The following GPR39 variants were observed in gnomAD, a reference collection of about 807,000 sequenced individuals.
The protein encoded by GPR39 is zinc sensing receptor.
In GPR39, 23 loss-of-function variants were observed where a neutral mutation model predicts 18.4. The observed-to-expected ratio is 1.25, with a 90% CI of 0.90 to 1.77. GPR39 has a LOEUF of 1.77. Ranked by LOEUF, GPR39 falls within the 40% of genes most tolerant of loss-of-function variation. The probability of loss-of-function intolerance (pLI) is 0.00; values close to 1 mark genes in which losing one functional copy is unlikely to be tolerated. For synonymous variants in GPR39, 280 were observed against 257.9 expected (o/e 1.09, Z -0.82); for missense variants, 647 against 602.4 (o/e 1.07, Z -0.78).
chr2:132,581,365 C>T (rs972837644), intron 1 of GPR39, among the ~76,000 whole-genome samples: 4 of 146,960 alleles, frequency 2.7e-5, no homozygotes, highest in East Asian at 4.0e-4. Flanking sequence ...AGAGAATGAT[C>T]TTGGTTAAAT....
chr2:132,556,738 C>T (rs1412825133), intron 1 of GPR39, among the ~76,000 whole-genome samples: 3 of 152,170 alleles, frequency 2.0e-5, no homozygotes, highest in Non-Finnish European at 4.4e-5. Context: ...AATCTACCCC[C>T]ACTTGGACAA....
chr2:132,465,091 C>T (rs113983686), intron 1 of GPR39, among the ~76,000 whole-genome samples: 6,214 of 152,136 alleles, frequency 0.041, 379 homozygotes, highest in African/African-American at 0.14. Context: ...TAATTAGTAG[C>T]AAACAGGTGG....
In GPR39 at chr2:132,645,913, C is replaced by CA. The variant is rs1277160094; in HGVS notation, c.*311dup. On this transcript the variant is annotated 3_prime_UTR_variant, in exon 2 of 2. Transcript: ENST00000329321. ...AGCTCTTTCATTATTTGCACAGGAA[C>CA]AAAAGAGAACACGGACTCCCGCTCC... 32 of 707,702 alleles carry CA rather than the reference C, an allele frequency of 4.5e-5. No individual in the cohort carries two copies. In the Admixed American group the frequency reaches 8.4e-4, roughly 18 times the overall value. The allele number at this position is 707,702 out of a possible 1,614,324, so 43.8% of individuals were successfully genotyped here.
intron 1 of GPR39, chr2:132,488,693 C>G (rs1055689154): frequency 4.6e-5 from 7 of 152,466 alleles, no homozygotes; most frequent in African/African-American, 1.7e-4. Flanking sequence ...GTCTGCTGAC[C>G]CTGGGTTCAT....
chr2:132,530,174 C>T (rs1679588935), intron 1 of GPR39, among the ~76,000 whole-genome samples: 1 of 152,080 alleles, frequency 6.6e-6, no homozygotes, highest in African/African-American at 2.4e-5. Flanking sequence ...CCTGATGGAG[C>T]TGAAAACCAT....
chr2:132,645,178 C>G lies in GPR39; in HGVS notation c.934C>G (p.His312Asp), dbSNP rs772128534. 16 of 1,614,084 alleles carry G rather than the reference C, an allele frequency of 9.9e-6. No individual in the cohort carries two copies. Among genetic ancestry groups the G allele is most frequent in the African/African-American group, 2.7e-5 (2 of 74,920 alleles). ...GATCATGGCTGCGGCCAAACCCAAG[C>G]ACGACTGGACGAGGTCCTACTTCCG... ...RRIMAAAKPK[H>D]DWTRSYFRAY... Residue 312 changes from histidine (H) to aspartate (D), a missense_variant, in exon 2 of 2, where the codon CAC becomes GAC. Physicochemically the swap from His to Asp is moderately conservative, Grantham distance 81. This residue lies in a region of GPR39 where 581 missense variants were observed against 506.8 expected (regional missense o/e 1.15). Transcript: ENST00000329321.
intron 1 of GPR39, among the ~76,000 whole-genome samples, chr2:132,456,550 A>T (rs1028129226): frequency 6.6e-6 from 1 of 152,112 alleles, no homozygotes; most frequent in Non-Finnish European, 1.5e-5. Flanking sequence ...TTGCCCGTTC[A>T]TTGATGCAGT....
intron 1 of GPR39, among the ~76,000 whole-genome samples, chr2:132,562,406 C>T (rs1410333751): frequency 6.6e-6 from 1 of 152,196 alleles, no homozygotes; most frequent in Non-Finnish European, 1.5e-5. Flanking sequence ...ATTGGCCCTG[C>T]CTAATTCTTC....
At chr2:132,590,266 A>G (rs988838026) in intron 1 of GPR39, among the ~76,000 whole-genome samples, 2 of 152,204 alleles carry the variant, frequency 1.3e-5, no homozygotes, top group African/African-American at 4.8e-5. Flanking sequence ...CAAATCAAGA[A>G]GAGAAATCTA....
At chr2:132,540,662 G>A (rs1468483585) in intron 1 of GPR39, among the ~76,000 whole-genome samples, 2 of 152,148 alleles carry the variant, frequency 1.3e-5, no homozygotes, top group Admixed American at 6.5e-5. Context: ...ACCTGGGTTG[G>A]AGGGTTTGTA....
At chr2:132,431,117 C>G (rs956217398) in intron 1 of GPR39, among the ~76,000 whole-genome samples, 1 of 152,168 alleles carries the variant, frequency 6.6e-6, no homozygotes, top group Middle Eastern at 3.2e-3. Context: ...AGCTGACTCA[C>G]TCACTCACCT....
At chr2:132,503,637 G>C (rs1428419265) in intron 1 of GPR39, among the ~76,000 whole-genome samples, 4 of 152,184 alleles carry the variant, frequency 2.6e-5, no homozygotes. Flanking sequence ...TTTCTCAGGT[G>C]GTGGGCAGGG....
At chr2:132,491,881 C>T (rs1681468531) in intron 1 of GPR39, among the ~76,000 whole-genome samples, 1 of 151,794 alleles carries the variant, frequency 6.6e-6, no homozygotes, top group Non-Finnish European at 1.5e-5. Flanking sequence ...GATGCTTACT[C>T]CATCCTGTGC....
At chr2:132,420,754 C>T (rs1679994136) in intron 1 of GPR39, among the ~76,000 whole-genome samples, 1 of 152,156 alleles carries the variant, frequency 6.6e-6, no homozygotes, top group Admixed American at 6.5e-5. Context: ...TGAGGAAGCC[C>T]ATGTAAAAAA....
chr2:132,523,632 G>A (rs1679461912), intron 1 of GPR39: 1 of 152,222 alleles, frequency 6.6e-6, no homozygotes, highest in Admixed American at 6.5e-5. Context: ...TGAGGGTGAT[G>A]TGGCTGCAAC....
At chr2:132,629,997 G>T (rs144131835) in intron 1 of GPR39, among the ~76,000 whole-genome samples, 1 of 152,276 alleles carries the variant, frequency 6.6e-6, no homozygotes, top group South Asian at 2.1e-4. Flanking sequence ...TGTAAAAATA[G>T]GGATAACAGC....
chr2:132,588,646 T>C (rs1680772921), intron 1 of GPR39, among the ~76,000 whole-genome samples: 1 of 152,146 alleles, frequency 6.6e-6, no homozygotes, highest in Admixed American at 6.5e-5. Flanking sequence ...GAAGTCAGAA[T>C]TGAAAGTCTG....
At chr2:132,436,947 T>A (rs1018520570) in intron 1 of GPR39, among the ~76,000 whole-genome samples, 2 of 152,236 alleles carry the variant, frequency 1.3e-5, no homozygotes, top group South Asian at 2.1e-4. Flanking sequence ...TGCTCATTCA[T>A]TGAATTCTCC....
At chr2:132,590,977 C>T (rs889272120) in intron 1 of GPR39, among the ~76,000 whole-genome samples, 8 of 152,006 alleles carry the variant, frequency 5.3e-5, no homozygotes, top group Admixed American at 2.6e-4. Context: ...ACAGGCCGGG[C>T]GCGGTGGCTC....
Sources: allele counts gnomAD v4.1 joint callset (sites outside exome capture counted in the v4.1 genomes callset), GRCh38; gene constraint gnomAD v4.1.1; regional missense constraint gnomAD v4.1.1; transcripts MANE v1.5; gene names NCBI Gene and HGNC (gene_info 2026-07-23, HGNC 2026-07-21).